MON2: variants seen among roughly 807,000 people sequenced by gnomAD.
MON2 encodes protein MON2 homolog.
In MON2, 84 loss-of-function variants were observed where a neutral mutation model predicts 208.6. That is an observed-to-expected ratio of 0.40 (90% CI 0.34 to 0.48). The LOEUF (loss-of-function observed/expected upper bound fraction) is 0.48. Ranked by LOEUF, MON2 falls within the 20% of genes least tolerant of loss-of-function variation. MON2 has a pLI of 0.59. For missense variants in MON2, 1,611 were observed against 2,015.4 expected, an observed-to-expected ratio of 0.80 and a Z score of 3.84; for synonymous variants, 660 against 694.0, an observed-to-expected ratio of 0.95 and a Z score of 0.77.
chr12:62,513,209 C>T (rs187028551), intron 8 of MON2, among the ~76,000 whole-genome samples: 1 of 152,282 alleles, frequency 6.6e-6, no homozygotes, highest in African/African-American at 2.4e-5. Context: ...AAATTCTCCT[C>T]AGAAAATGGG....
At position 62,537,154 on chromosome 12, in the gene MON2, A is replaced by T. The variant is rs1379538944; in HGVS notation, c.1904A>T (p.Tyr635Phe). Residue 635 changes from tyrosine to phenylalanine, a missense_variant, in exon 15 of 35, where the codon TAT (tyrosine) becomes TTT (phenylalanine). Transcript: ENST00000393630. ...TAGGCTTTCCTTTGTGTTCTAGCAT[A>T]TTCCGTTCAGGGCCAAAGTGTTATG... ...TTAATLSNKS[Y>F]SVQGQSVMMI... The T allele has an allele frequency of 6.3e-7, 1 of 1,595,252 alleles. No individual in the cohort carries two copies. Among genetic ancestry groups the T allele is most frequent in the South Asian group, 1.1e-5 (1 of 89,028 alleles).
At chr12:62,562,161 C>T (rs2074220943) in intron 26 of MON2, among the ~76,000 whole-genome samples, 1 of 152,012 alleles carries the variant, frequency 6.6e-6, no homozygotes, top group Admixed American at 6.6e-5. Context: ...AAATAAGTTG[C>T]TTATAGACTT....
intron 1 of MON2, among the ~76,000 whole-genome samples, chr12:62,472,853 C>T (rs1210775583): frequency 3.3e-5 from 5 of 151,932 alleles, no homozygotes; most frequent in East Asian, 1.9e-4. Context: ...CTCCCATAAG[C>T]GTAATATAAT....
intron 8 of MON2, among the ~76,000 whole-genome samples, chr12:62,521,699 A>G (rs2072048746): frequency 6.6e-6 from 1 of 152,188 alleles, no homozygotes; most frequent in Non-Finnish European, 1.5e-5. Flanking sequence ...CTCACTCATT[A>G]GGTATATTAG....
In MON2 at chr12:62,593,482, G is replaced by C. The variant is rs974700792; in HGVS notation, c.*733G>C. On this transcript the variant is annotated 3_prime_UTR_variant, in exon 35 of 35. Coordinates refer to ENST00000393630, the MANE Select transcript of MON2 (RefSeq NM_015026.3). ...TGACCATTAAACATCTGACCAGTAAGGTCATGTGAACACAGCAGCAAATAG... is the reference window on the plus strand; with the variant it reads ...TGACCATTAAACATCTGACCAGTAACGTCATGTGAACACAGCAGCAAATAG... 6.6e-6 allele frequency: 1 copy of C among 152,626 alleles called. No individual in the cohort carries two copies. Among genetic ancestry groups the C allele is most frequent in the South Asian group, 2.1e-4 (1 of 4,818 alleles). 9.5% of individuals were successfully genotyped at this position (152,626 alleles called of 1,614,324 possible). A position where few individuals can be genotyped will look rare whatever the true frequency, so the allele number is the denominator to read the frequency against.
intron 33 of MON2, among the ~76,000 whole-genome samples, chr12:62,587,251 A>G (rs1452635688): frequency 6.6e-6 from 1 of 152,180 alleles, no homozygotes; most frequent in Non-Finnish European, 1.5e-5. Context: ...GTATTATTAG[A>G]AAGTTAAATA....
chr12:62,600,369 A>T lies in MON2; in HGVS notation c.*7620A>T, dbSNP rs1326323896. 1 of 152,210 alleles carries T rather than the reference A, an allele frequency of 6.6e-6. No homozygotes were observed. The highest frequency in any genetic ancestry group is 1.5e-5 in the Non-Finnish European group (1 of 68,032). The allele number at this position is 152,210 out of a possible 1,614,324, so 9.4% of individuals were successfully genotyped here. A position where few individuals can be genotyped will look rare whatever the true frequency, so the allele number is the denominator to read the frequency against. The stretch of plus-strand genomic sequence containing the variant: ...AACTGTGTCCTTGCTGTATGACAGA[A>T]GCTATTTGGAGCGCTCTCAAGTGCT... On this transcript the variant is annotated 3_prime_UTR_variant, in exon 35 of 35. Coordinates refer to ENST00000393630, the MANE Select transcript of MON2 (RefSeq NM_015026.3).
Position 62,552,998 on chromosome 12 carries a change from T to G in MON2, c.3034T>G (p.Phe1012Val), listed in dbSNP as rs930129632. Residue 1012 changes from phenylalanine (F) to valine (V), a missense_variant, in exon 24 of 35, where the codon TTC becomes GTC. Coordinates refer to ENST00000393630, the MANE Select transcript of MON2 (RefSeq NM_015026.3). ...GAAAGGAGTTGTTTTAAATCGGCCATTCCACCCTGCACCGCCATTTGATTG... is the reference window on the plus strand; with the variant it reads ...GAAAGGAGTTGTTTTAAATCGGCCAGTCCACCCTGCACCGCCATTTGATTG... ...EEKGVVLNRP[F>V]HPAPPFDCLW... 2 of 1,614,162 alleles carry G rather than the reference T, an allele frequency of 1.2e-6. No individual in the cohort carries two copies. Among genetic ancestry groups the G allele is most frequent in the Non-Finnish European group, 1.7e-6 (2 of 1,180,006 alleles).
intron 11 of MON2, among the ~76,000 whole-genome samples, chr12:62,531,831 G>A (rs990996683): frequency 2.6e-5 from 4 of 151,836 alleles, no homozygotes; most frequent in African/African-American, 7.3e-5. Context: ...GTGCAGCGGC[G>A]CAATCTCGGC....
At chr12:62,508,189 A>C (rs1479700723) in intron 7 of MON2, 97 bp from the exon 8 acceptor site, 2 of 823,860 alleles carry the variant, frequency 2.4e-6, no homozygotes, top group Non-Finnish European at 3.8e-6. Context: ...AATACTGGTT[A>C]TTAAGAAGTT....
Position 62,594,613 on chromosome 12 carries a change from T to C in MON2, c.*1864T>C, listed in dbSNP as rs2075483515. ...CCGATTCAGTAACATGTTAAAAATA[T>C]TGCTATGCATTTATTCAAAGGAAAA... On this transcript the variant is annotated 3_prime_UTR_variant, in exon 35 of 35. Coordinates refer to ENST00000393630, the MANE Select transcript of MON2 (RefSeq NM_015026.3). 6.6e-6 allele frequency: 1 copy of C among 152,228 alleles called. No homozygotes were observed. The highest frequency in any genetic ancestry group is 2.1e-4 in the South Asian group (1 of 4,834). The allele number at this position is 152,228 out of a possible 1,614,324, so 9.4% of individuals were successfully genotyped here.
rs184447764 is a variant in MON2, at chr12:62,541,576, C to T, written c.2365-1521C>T. Among the ~76,000 whole-genome samples, 490 of 152,218 alleles carry T rather than the reference C, an allele frequency of 3.2e-3. 4 individuals are homozygous for T. The highest frequency in any genetic ancestry group is 5.6e-3 in the Non-Finnish European group (380 of 68,000). On this transcript the variant is annotated intron_variant, in intron 19 of 34. Coordinates refer to ENST00000393630, the MANE Select transcript of MON2 (RefSeq NM_015026.3). ...GATTTAGTGGTAATATACCCTTTTACAGATGAAAATATGAAAAATAGCTTA... is the reference window on the plus strand; with the variant it reads ...GATTTAGTGGTAATATACCCTTTTATAGATGAAAATATGAAAAATAGCTTA...
chr12:62,565,180 A>G (rs2074335099), intron 26 of MON2, 57 bp from the exon 27 acceptor site: 5 of 1,527,124 alleles, frequency 3.3e-6, no homozygotes, highest in Non-Finnish European at 4.5e-6. Context: ...TATACACAGT[A>G]AAGAACTTAA....
At chr12:62,587,873 C>A in intron 33 of MON2, 1 of 397,006 alleles carries the variant, frequency 2.5e-6, no homozygotes, top group Non-Finnish European at 4.5e-6. Context: ...AGAATAACTA[C>A]AAATTTGATT....
intron 4 of MON2, 27 bp from the exon 5 acceptor site, chr12:62,498,892 C>T: frequency 1.9e-6 from 3 of 1,564,332 alleles, no homozygotes; most frequent in Non-Finnish European, 2.6e-6. Context: ...AATCTTATTT[C>T]ACACTAAATG....
chr12:62,591,459 T>C (rs1565722218), intron 34 of MON2, among the ~76,000 whole-genome samples: 1 of 152,198 alleles, frequency 6.6e-6, no homozygotes, highest in Non-Finnish European at 1.5e-5. Flanking sequence ...TCAGTAGGTA[T>C]TGGATGGAAA....
intron 30 of MON2, among the ~76,000 whole-genome samples, chr12:62,572,310 A>G (rs1253370988): frequency 6.6e-6 from 1 of 152,236 alleles, no homozygotes; most frequent in East Asian, 1.9e-4. Flanking sequence ...GGACATTTCC[A>G]TCATCACAGA....
At chr12:62,504,295 A>G (rs2070994053) in intron 7 of MON2, among the ~76,000 whole-genome samples, 1 of 134,742 alleles carries the variant, frequency 7.4e-6, no homozygotes, top group Non-Finnish European at 1.5e-5. Flanking sequence ...CCCAGGTTGG[A>G]GTGCAGTCGC....
intron 1 of MON2, among the ~76,000 whole-genome samples, chr12:62,479,435 C>A (rs1304411890): frequency 1.2e-5 from 1 of 86,190 alleles, no homozygotes; most frequent in Non-Finnish European, 2.9e-5. Flanking sequence ...TGTATATCCC[C>A]CCCCCCCCCC....
Sources: gnomAD v4.1 joint callset for allele counts (sites outside exome capture counted in the v4.1 genomes callset) on GRCh38, gnomAD v4.1.1 for gene constraint, MANE v1.5 for transcripts, NCBI Gene and HGNC (gene_info 2026-07-23, HGNC 2026-07-21) for gene names.